Variants in RGPD8 observed in about 807,000 individuals in gnomAD.
The protein encoded by RGPD8 is RANBP2-like and GRIP domain-containing protein 8.
A neutral mutation model predicts 89.1 loss-of-function variants in RGPD8; 15 were observed. The ratio of observed to expected loss-of-function variants is 0.17; its 90% CI spans 0.11 to 0.26. The LOEUF (loss-of-function observed/expected upper bound fraction) is 0.26, where lower values mean the gene tolerates loss of function less well. RGPD8 is among the 10% of genes least tolerant of loss of function. The pLI is 1.00. For synonymous variants in RGPD8, 62 were observed against 420.9 expected (o/e 0.15, Z 10.44); for missense variants, 178 against 1,179.6 (o/e 0.15, Z 12.44).
intron 6 of RGPD8, 141 bp downstream of exon 6, chr2:112,417,052 C>T (rs2104821053): frequency 6.4e-7 from 1 of 1,557,008 alleles, no homozygotes; most frequent in East Asian, 2.2e-5. Context: ...AAGATTGCCT[C>T]CTAGCGGTTC....
At chr2:112,428,859 G>T (rs1385152736) in intron 1 of RGPD8, among the ~76,000 whole-genome samples, 3 of 150,926 alleles carry the variant, frequency 2.0e-5, no homozygotes, top group East Asian at 3.9e-4. Context: ...CCAGGAAAAC[G>T]TGGGTGCAGC....
chr2:112,371,108 C>G (rs1194565140), intron 22 of RGPD8, among the ~76,000 whole-genome samples: 2 of 149,802 alleles, frequency 1.3e-5, no homozygotes, highest in Non-Finnish European at 3.0e-5. Flanking sequence ...AATCTAAAAC[C>G]AATAGATTTA....
At chr2:112,415,257 C>A (rs1434296358) in intron 6 of RGPD8, among the ~76,000 whole-genome samples, 3 of 152,294 alleles carry the variant, frequency 2.0e-5, no homozygotes, top group African/African-American at 7.2e-5. Context: ...TGGTGGTGGG[C>A]GCCTGTAGTC....
At chr2:112,415,247 T>C (rs1197196551) in intron 6 of RGPD8, among the ~76,000 whole-genome samples, 1 of 152,264 alleles carries the variant, frequency 6.6e-6, no homozygotes, top group African/African-American at 2.4e-5. Flanking sequence ...TAGCCGAGCG[T>C]GGTGGTGGGC....
At position 112,433,429 on chromosome 2, in the gene RGPD8, C is replaced by G; in HGVS notation, c.25G>C (p.Glu9Gln). ...CCCAGCACCGAGGCGACGTACCGCT[C>G]CACATCGGCCTTGCTGCGCCTCATC... Reference protein sequence around the residue: MRRSKADVERYVASVLGLT... With the variant: MRRSKADVQRYVASVLGLT... Residue 9 changes from glutamate (E) to glutamine (Q), a missense_variant, in exon 1 of 23, where the codon GAG becomes CAG. By Grantham distance (29) the Glu-to-Gln change is conservative. Transcript: ENST00000302558. The G allele has an allele frequency of 2.5e-6, 4 of 1,609,840 alleles. No homozygotes were observed. The highest frequency in any genetic ancestry group is 3.4e-6 in the Non-Finnish European group (4 of 1,179,004).
rs62157461 is a variant in RGPD8 at position 112,371,119 on chromosome 2, T to C, written c.5264-907A>G. ...TTAGAATCTAAAACCAATAGATTTA[T>C]GGGAAACCTTAAAACTGAACCACAA... On this transcript the variant is annotated intron_variant, in intron 22 of 22. Transcript: ENST00000302558. Among the ~76,000 whole-genome samples, 474 of 150,538 alleles carry C rather than the reference T, an allele frequency of 3.1e-3. 1 individual carries two copies. Among genetic ancestry groups the C allele is most frequent in the Non-Finnish European group, 5.5e-3 (376 of 67,798 alleles).
chr2:112,390,564 AG>A lies in RGPD8; in HGVS notation c.2698-318del, dbSNP rs1574000070. ...TGTGGTCAAAATAAGCAGAAGAGCA[AG>A]GGTCTAAATGCACCCCAACACTCTG... On this transcript the variant is annotated intron_variant, in intron 19 of 22. Transcript: ENST00000302558. Among the ~76,000 whole-genome samples the A allele has an allele frequency of 2.1e-5, 3 of 143,180 alleles. No individual in the cohort carries two copies. The East Asian group carries it at 5.8e-4, about 28-fold the overall frequency. 93.9% of individuals were successfully genotyped at this position (143,180 alleles called of 152,430 possible).
chr2:112,382,274 C>T (rs1461191830), intron 20 of RGPD8, among the ~76,000 whole-genome samples: 4 of 151,822 alleles, frequency 2.6e-5, no homozygotes, highest in African/African-American at 9.7e-5. Flanking sequence ...TCCATCCATC[C>T]AACCATCCAA....
intron 22 of RGPD8, 147 bp from the exon 23 acceptor site, chr2:112,370,359 G>GGGGGGGTGTTT (rs1249646916): frequency 9.9e-6 from 1 of 100,750 alleles, no homozygotes; most frequent in Non-Finnish European, 1.7e-5. Flanking sequence ...GGGGGGGGGG[G>GGGGGGGTGTTT]TTCTTTTTTT....
intron 7 of RGPD8, among the ~76,000 whole-genome samples, chr2:112,411,149 T>TC (rs1305698355): frequency 2.0e-5 from 3 of 152,292 alleles, no homozygotes; most frequent in Admixed American, 6.5e-5. Flanking sequence ...TCCTTTTTTT[T>TC]CCCTCCCCAA....
chr2:112,410,751 C>T (rs1419227735), intron 7 of RGPD8, among the ~76,000 whole-genome samples: 1 of 151,302 alleles, frequency 6.6e-6, no homozygotes, highest in Non-Finnish European at 1.5e-5. Flanking sequence ...GCACTCCAGC[C>T]TTGTGACAGA....
chr2:112,415,891 A>AG (rs1457578615), intron 6 of RGPD8, among the ~76,000 whole-genome samples: 3 of 150,908 alleles, frequency 2.0e-5, no homozygotes, highest in Non-Finnish European at 2.9e-5. Context: ...AAAAAAAAAA[A>AG]AGAGAGATTG....
At chr2:112,425,886 A>G (rs958051618) in intron 1 of RGPD8, among the ~76,000 whole-genome samples, 4 of 152,156 alleles carry the variant, frequency 2.6e-5, no homozygotes, top group African/African-American at 9.7e-5. Context: ...GATGAATAGT[A>G]CCAAACCAGG....
Position 112,433,375 on chromosome 2 carries a change from C to T in RGPD8, c.72+7G>A. On this transcript the variant is annotated splice_region_variant and intron_variant, in intron 1 of 22. Transcript: ENST00000302558. ...CGAGGCCGCCGCTCTCTTCCAGACC[C>T]ACTCACCTGTCGAGGCGACGGGGTG... 1.9e-6 allele frequency: 3 copies of T among 1,610,174 alleles called. No homozygotes were observed. The highest frequency in any genetic ancestry group is 2.5e-6 in the Non-Finnish European group (3 of 1,178,980).
At chr2:112,414,256 A>T (rs1679295989) in intron 6 of RGPD8, among the ~76,000 whole-genome samples, 1 of 129,564 alleles carries the variant, frequency 7.7e-6, no homozygotes, top group African/African-American at 3.2e-5. Context: ...CGGGTGGATC[A>T]CCTGAGGTCA....
At chr2:112,373,543 T>C (rs1678025719) in intron 22 of RGPD8, among the ~76,000 whole-genome samples, 1 of 152,228 alleles carries the variant, frequency 6.6e-6, no homozygotes. Context: ...CTAGAGCTGA[T>C]GATACAGTCA....
At chr2:112,429,916 T>TC (rs1205853767) in intron 1 of RGPD8, among the ~76,000 whole-genome samples, 1 of 152,094 alleles carries the variant, frequency 6.6e-6, no homozygotes, top group African/African-American at 2.4e-5. Flanking sequence ...CAAGCAATTC[T>TC]CCTGTCTCAG....
intron 8 of RGPD8, among the ~76,000 whole-genome samples, chr2:112,404,973 C>CTGA (rs1678982501): frequency 6.6e-6 from 1 of 152,290 alleles, no homozygotes; most frequent in South Asian, 2.1e-4. Context: ...GGATAAAGTA[C>CTGA]TGATACATGC....
In RGPD8 at chr2:112,390,098, C is replaced by G. The variant is rs372187033; in HGVS notation, c.2847G>C (p.Gln949His). The change falls in exon 20 of 23, where the codon CAG becomes CAC. Residue 949 changes from glutamine to histidine, a missense_variant. By Grantham distance (24) the Gln-to-His change is conservative. Coordinates refer to ENST00000302558, the MANE Select transcript of RGPD8 (RefSeq NM_001164463.1). The stretch of plus-strand genomic sequence containing the variant: ...GGCCCTTCTTCCGGCCCCTAATATC[C>G]TGAGCCTGTAAGCCAGTATCATTTT... ...PLENDTGLQA[Q>H]DIRGRKKGRG... 26 of 1,602,674 alleles carry G rather than the reference C, an allele frequency of 1.6e-5. 1 individual carries two copies. Among genetic ancestry groups the G allele is most frequent in the Non-Finnish European group, 2.2e-5 (26 of 1,175,102 alleles).
Sources: allele counts gnomAD v4.1 joint callset (sites outside exome capture counted in the v4.1 genomes callset), GRCh38; gene constraint gnomAD v4.1.1; transcripts MANE v1.5; gene names NCBI Gene and HGNC (gene_info 2026-07-23, HGNC 2026-07-21).